The following RPGRIP1L variants were observed in gnomAD, a reference collection of about 807,000 sequenced individuals.
RPGRIP1L encodes RPGRIP1 like.
RPGRIP1L carries 131 observed loss-of-function variants against 160.4 expected under a neutral mutation model. The ratio of observed to expected loss-of-function variants is 0.82; its 90% CI spans 0.71 to 0.94. The LOEUF is 0.94. Among genes scored for constraint, RPGRIP1L ranks in the 40% least tolerant of loss-of-function variants. The probability of loss-of-function intolerance (pLI) is 0.00; values close to 1 mark genes in which losing one functional copy is unlikely to be tolerated. For missense variants in RPGRIP1L, 1,522 were observed against 1,535.8 expected (o/e 0.99, Z 0.15); for synonymous variants, 510 against 515.8 (o/e 0.99, Z 0.15).
At chr16:53,627,073 G>C (rs767586207) in intron 22 of RPGRIP1L, among the ~76,000 whole-genome samples, 9 of 151,996 alleles carry the variant, frequency 5.9e-5, no homozygotes, top group Non-Finnish European at 8.8e-5. Flanking sequence ...TGTTTACTTA[G>C]GCTTATTATT....
At chr16:53,649,266 A>G (rs1966790268) in intron 15 of RPGRIP1L, 151 bp from the exon 16 acceptor site, 1 of 628,930 alleles carries the variant, frequency 1.6e-6, no homozygotes, top group African/African-American at 1.8e-5. Flanking sequence ...AGATTGGCAA[A>G]TAACAGATGA....
Position 53,645,681 on chromosome 16 carries a change from T to G in RPGRIP1L, c.2627A>C (p.Tyr876Ser). 6.2e-7 allele frequency: 1 copy of G among 1,614,060 alleles called. No individual in the cohort carries two copies. The highest frequency in any genetic ancestry group is 8.5e-7 in the Non-Finnish European group (1 of 1,179,962). The change falls in exon 17 of 27, where the codon TAC (tyrosine) becomes TCC (serine). Residue 876 changes from tyrosine to serine, a missense_variant. Coordinates refer to ENST00000647211, the MANE Select transcript of RPGRIP1L (RefSeq NM_015272.5). ...CAGAGGCACATTGACTTTTCCTATG[T>G]AAATATTCTCCTGGGTATCACTATC... ...FDDSDTQENI[Y>S]IGKVNVPLIS...
intron 9 of RPGRIP1L, 109 bp from the exon 10 acceptor site, chr16:53,665,118 G>A: frequency 7.4e-7 from 1 of 1,348,872 alleles, no homozygotes; most frequent in Non-Finnish European, 1.0e-6. Context: ...CATGTCTTAG[G>A]AATTAAGTAA....
At chr16:53,650,842 G>T (rs887162774) in intron 15 of RPGRIP1L, among the ~76,000 whole-genome samples, 7 of 152,116 alleles carry the variant, frequency 4.6e-5, no homozygotes, top group African/African-American at 1.7e-4. Flanking sequence ...CCACTCCTCA[G>T]TTTCTTTTGC....
intron 6 of RPGRIP1L, among the ~76,000 whole-genome samples, chr16:53,675,358 G>A (rs1969074613): frequency 6.6e-6 from 1 of 152,020 alleles, no homozygotes; most frequent in Non-Finnish European, 1.5e-5. Flanking sequence ...TTTGAAGGGA[G>A]CCCCCAAACT....
intron 2 of RPGRIP1L, among the ~76,000 whole-genome samples, chr16:53,697,707 C>T (rs547120736): frequency 6.6e-6 from 1 of 151,988 alleles, no homozygotes; most frequent in Non-Finnish European, 1.5e-5. Context: ...GATCTCGGCT[C>T]GCTACAACCT....
At chr16:53,604,386 T>A (rs1048536831) in intron 26 of RPGRIP1L, among the ~76,000 whole-genome samples, 1 of 152,218 alleles carries the variant, frequency 6.6e-6, no homozygotes, top group Admixed American at 6.5e-5. Context: ...AGTGAATATG[T>A]AAACAAGTCA....
At chr16:53,619,651 A>G (rs1964590758) in intron 23 of RPGRIP1L, among the ~76,000 whole-genome samples, 1 of 152,218 alleles carries the variant, frequency 6.6e-6, no homozygotes, top group Non-Finnish European at 1.5e-5. Context: ...TGAACACTTT[A>G]TAGGTATTAT....
At chr16:53,654,523 G>A (rs1471738887) in intron 14 of RPGRIP1L, among the ~76,000 whole-genome samples, 2 of 152,094 alleles carry the variant, frequency 1.3e-5, no homozygotes, top group Non-Finnish European at 2.9e-5. Flanking sequence ...GTAGAAATAG[G>A]CATTCTCTCC....
chr16:53,602,241 G>A, intron 26 of RPGRIP1L, 53 bp from the exon 27 acceptor site: 1 of 1,221,686 alleles, frequency 8.2e-7, no homozygotes, highest in Non-Finnish European at 1.2e-6. Flanking sequence ...ATTTTTCTTT[G>A]GAAAGGCTCG....
chr16:53,667,895 A>G (rs1968405140), intron 9 of RPGRIP1L, among the ~76,000 whole-genome samples: 1 of 151,806 alleles, frequency 6.6e-6, no homozygotes, highest in Non-Finnish European at 1.5e-5. Flanking sequence ...AAAAAATAAT[A>G]ATAAAATTAA....
chr16:53,617,645 C>G (rs552843139), intron 24 of RPGRIP1L, among the ~76,000 whole-genome samples: 2 of 152,156 alleles, frequency 1.3e-5, no homozygotes, highest in African/African-American at 4.8e-5. Flanking sequence ...AATAAGAAAA[C>G]AAGGAATCAT....
chr16:53,663,479 C>T (rs935900891), intron 10 of RPGRIP1L, among the ~76,000 whole-genome samples: 1 of 151,978 alleles, frequency 6.6e-6, no homozygotes, highest in South Asian at 2.1e-4. Flanking sequence ...TAAGAATGGG[C>T]AATTTATCTG....
Position 53,658,879 on chromosome 16 carries a change from C to A in RPGRIP1L, c.1244-1G>T, listed in dbSNP as rs1306595038. On this transcript the variant is annotated splice_acceptor_variant, in intron 10 of 26. Transcript: ENST00000647211. LOFTEE classifies it high-confidence loss of function. ...TCTTGAACGAGTTTTTCATTTTGAT[C>A]TTAAAAATAAAGTCCACACAATTGG... 9 of 1,566,046 alleles carry A rather than the reference C, an allele frequency of 5.7e-6. No homozygotes were observed. Among genetic ancestry groups the A allele is most frequent in the Non-Finnish European group, 7.9e-6 (9 of 1,142,174 alleles).
At chr16:53,615,033 T>C (rs1964275676) in intron 24 of RPGRIP1L, among the ~76,000 whole-genome samples, 1 of 152,242 alleles carries the variant, frequency 6.6e-6, no homozygotes, top group African/African-American at 2.4e-5. Flanking sequence ...ATAATGTTTG[T>C]ATTAAAGAGT....
Position 53,601,790 on chromosome 16 carries a change from C to A in RPGRIP1L, c.*286G>T. 1 of 283,434 alleles carries A rather than the reference C, an allele frequency of 3.5e-6. No homozygotes were observed. The allele number at this position is 283,434 out of a possible 1,614,324, so 17.6% of individuals were successfully genotyped here. ...TCTTCCTAAGAAAATGTTGAAAATG[C>A]AAATAGACTTTCTCACGCTATCACG... On this transcript the variant is annotated 3_prime_UTR_variant, in exon 27 of 27. Coordinates refer to ENST00000647211, the MANE Select transcript of RPGRIP1L (RefSeq NM_015272.5).
chr16:53,667,064 G>A (rs1387078185), intron 9 of RPGRIP1L, among the ~76,000 whole-genome samples: 5 of 152,158 alleles, frequency 3.3e-5, no homozygotes, highest in South Asian at 4.2e-4. Context: ...GATTAAATCT[G>A]CATATGAGAA....
chr16:53,655,913 C>T (rs1312135436), intron 14 of RPGRIP1L, among the ~76,000 whole-genome samples: 1 of 152,124 alleles, frequency 6.6e-6, no homozygotes, highest in Admixed American at 6.5e-5. Context: ...AAGCGTGTAT[C>T]TTGGAATCAT....
intron 22 of RPGRIP1L, among the ~76,000 whole-genome samples, chr16:53,629,187 GAGCTATAA>G (rs1376895025): frequency 6.6e-6 from 1 of 152,094 alleles, no homozygotes; most frequent in Non-Finnish European, 1.5e-5. Context: ...ATCACCAGGG[GAGCTATAA>G]ACAAAATTCT....
Sources: allele counts gnomAD v4.1 joint callset (sites outside exome capture counted in the v4.1 genomes callset), GRCh38; gene constraint gnomAD v4.1.1; transcripts MANE v1.5; gene names NCBI Gene and HGNC (gene_info 2026-07-23, HGNC 2026-07-21).